LDB2: variants seen among roughly 807,000 people sequenced by gnomAD.
The protein encoded by LDB2 is LIM domain binding 2, also known as LIM domain-binding protein 2.
LDB2 carries 12 observed loss-of-function variants against 44.3 expected under a neutral mutation model. The ratio of observed to expected loss-of-function variants is 0.27; its 90% CI spans 0.17 to 0.44. The LOEUF (loss-of-function observed/expected upper bound fraction) is 0.44, where lower values mean the gene tolerates loss of function less well. Among genes scored for constraint, LDB2 ranks in the 20% least tolerant of loss-of-function variants. The pLI is 1.00. For synonymous variants in LDB2, 164 were observed against 174.8 expected, an observed-to-expected ratio of 0.94 and a Z score of 0.49; for missense variants, 344 against 473.5, an observed-to-expected ratio of 0.73 and a Z score of 2.54.
intron 5 of LDB2, among the ~76,000 whole-genome samples, chr4:16,534,237 A>G (rs1159100018): frequency 6.6e-6 from 1 of 152,208 alleles, no homozygotes; most frequent in East Asian, 1.9e-4. Flanking sequence ...CAAATTTTGT[A>G]TGTAGCAAAA....
intron 5 of LDB2, among the ~76,000 whole-genome samples, chr4:16,526,165 T>C (rs1425729732): frequency 6.6e-6 from 1 of 152,214 alleles, no homozygotes; most frequent in Non-Finnish European, 1.5e-5. Context: ...GAAGATCTGC[T>C]GTCAATGTGA....
chr4:16,563,094 A>G (rs966656598), intron 5 of LDB2, among the ~76,000 whole-genome samples: 2 of 152,024 alleles, frequency 1.3e-5, no homozygotes, highest in Admixed American at 6.6e-5. Context: ...GAGGGATAGC[A>G]TTAGGAGATA....
intron 2 of LDB2, among the ~76,000 whole-genome samples, chr4:16,650,042 G>A (rs1737835359): frequency 6.6e-6 from 1 of 152,150 alleles, no homozygotes; most frequent in African/African-American, 2.4e-5. Context: ...CTTTAACAGA[G>A]GAGAAAACAT....
At chr4:16,754,795 G>A (rs774699250) in intron 2 of LDB2, among the ~76,000 whole-genome samples, 5 of 152,146 alleles carry the variant, frequency 3.3e-5, no homozygotes, top group Admixed American at 2.0e-4. Flanking sequence ...GCCTCCTAAA[G>A]TGCTGGGATT....
intron 2 of LDB2, among the ~76,000 whole-genome samples, chr4:16,632,855 C>T (rs938808891): frequency 5.3e-5 from 8 of 152,096 alleles, no homozygotes; most frequent in African/African-American, 1.2e-4. Context: ...TAAATTAGTT[C>T]GACCATTGTG....
At chr4:16,515,775 A>T (rs1207510080) in intron 5 of LDB2, among the ~76,000 whole-genome samples, 3 of 152,232 alleles carry the variant, frequency 2.0e-5, no homozygotes, top group African/African-American at 7.2e-5. Flanking sequence ...GAGATAAAAT[A>T]CATGGGTGGA....
chr4:16,728,413 T>C (rs1760003055), intron 2 of LDB2, among the ~76,000 whole-genome samples: 1 of 152,140 alleles, frequency 6.6e-6, no homozygotes, highest in Admixed American at 6.5e-5. Context: ...GCTAGCTAGA[T>C]GGATGGATAG....
At chr4:16,789,359 T>C (rs1017576413) in intron 1 of LDB2, among the ~76,000 whole-genome samples, 1 of 152,208 alleles carries the variant, frequency 6.6e-6, no homozygotes, top group Admixed American at 6.5e-5. Flanking sequence ...GAAAATGCAG[T>C]GAACCAGACA....
chr4:16,888,084 G>A (rs140771117), intron 1 of LDB2, among the ~76,000 whole-genome samples: 1 of 152,162 alleles, frequency 6.6e-6, no homozygotes, highest in Non-Finnish European at 1.5e-5. Context: ...GTCCAGACAC[G>A]CAGGTGGTGC....
intron 1 of LDB2, among the ~76,000 whole-genome samples, chr4:16,783,094 G>A (rs1172359268): frequency 6.6e-6 from 1 of 152,206 alleles, no homozygotes; most frequent in Non-Finnish European, 1.5e-5. Flanking sequence ...CAGGCAGCAG[G>A]ACAGCTAGTG....
At chr4:16,557,264 C>A (rs1216653051) in intron 5 of LDB2, among the ~76,000 whole-genome samples, 1 of 152,180 alleles carries the variant, frequency 6.6e-6, no homozygotes, top group Admixed American at 6.5e-5. Context: ...GAGGCATTGC[C>A]TTACTCGGGA....
chr4:16,884,611 T>TTATC (rs1721110815), intron 1 of LDB2, among the ~76,000 whole-genome samples: 1 of 152,322 alleles, frequency 6.6e-6, no homozygotes, highest in East Asian at 1.9e-4. Flanking sequence ...AAATTCCCAT[T>TTATC]TATCCATCAA....
chr4:16,623,335 C>T (rs1185645116), intron 2 of LDB2, among the ~76,000 whole-genome samples: 2 of 152,286 alleles, frequency 1.3e-5, no homozygotes, highest in Admixed American at 6.5e-5. Context: ...CAGTGGCTCA[C>T]GCCTGTAATC....
chr4:16,634,683 A>G (rs181340678), intron 2 of LDB2, among the ~76,000 whole-genome samples: 87 of 152,290 alleles, frequency 5.7e-4, no homozygotes, highest in African/African-American at 1.7e-3. Flanking sequence ...ACACTTTTAC[A>G]CTGTTGGCGG....
At chr4:16,760,385 G>C (rs569399911) in intron 1 of LDB2, among the ~76,000 whole-genome samples, 1 of 152,220 alleles carries the variant, frequency 6.6e-6, no homozygotes, top group African/African-American at 2.4e-5. Context: ...GAATAATTAA[G>C]GAGCCACGGA....
chr4:16,634,605 T>G (rs1242814258), intron 2 of LDB2, among the ~76,000 whole-genome samples: 3 of 152,188 alleles, frequency 2.0e-5, no homozygotes, highest in Non-Finnish European at 2.9e-5. Context: ...TACCATCTCA[T>G]GCCAGTTAGA....
intron 1 of LDB2, among the ~76,000 whole-genome samples, chr4:16,852,797 T>A (rs1418760855): frequency 6.6e-6 from 1 of 152,240 alleles, no homozygotes; most frequent in African/African-American, 2.4e-5. Flanking sequence ...AGTCAGTCAC[T>A]AATATGTAAA....
At chr4:16,564,376 TAACA>T (rs1743702597) in intron 5 of LDB2, among the ~76,000 whole-genome samples, 1 of 151,710 alleles carries the variant, frequency 6.6e-6, no homozygotes, top group East Asian at 1.9e-4. Flanking sequence ...AAAGAAAAAA[TAACA>T]AACAATCAAA....
chr4:16,896,278 A>C (rs1724970019), intron 1 of LDB2, among the ~76,000 whole-genome samples: 1 of 152,202 alleles, frequency 6.6e-6, no homozygotes, highest in African/African-American at 2.4e-5. Flanking sequence ...ATAATCCAAA[A>C]GTTAGGAATT....
Sources: allele counts gnomAD v4.1 joint callset (sites outside exome capture counted in the v4.1 genomes callset), GRCh38; gene constraint gnomAD v4.1.1; transcripts MANE v1.5; gene names NCBI Gene and HGNC (gene_info 2026-07-23, HGNC 2026-07-21).